Variants in METTL8 observed in about 807,000 individuals in gnomAD.
METTL8 encodes the protein tRNA N(3)-cytidine methyltransferase METTL8, mitochondrial.
METTL8 carries 32 observed loss-of-function variants against 48.7 expected under a neutral mutation model. That is an observed-to-expected ratio of 0.66 (90% confidence interval 0.50 to 0.88). The LOEUF (loss-of-function observed/expected upper bound fraction) is 0.88. Among genes scored for constraint, METTL8 ranks in the 40% least tolerant of loss-of-function variants. METTL8 has a pLI of 0.00. For missense variants in METTL8, 464 were observed against 474.4 expected, an observed-to-expected ratio of 0.98 and a Z score of 0.20; for synonymous variants, 136 against 157.1, an observed-to-expected ratio of 0.87 and a Z score of 1.01.
At chr2:171,352,186 G>A (rs528372299) in intron 3 of METTL8, among the ~76,000 whole-genome samples, 9 of 152,294 alleles carry the variant, frequency 5.9e-5, no homozygotes, top group Admixed American at 3.3e-4. Flanking sequence ...GTTGAATTTT[G>A]TTGAAGGCCT....
intron 1 of METTL8, among the ~76,000 whole-genome samples, chr2:171,397,574 A>AAAG (rs1689231233): frequency 6.7e-6 from 1 of 148,260 alleles, no homozygotes; most frequent in Non-Finnish European, 1.5e-5. Flanking sequence ...AAAAAAAAAA[A>AAAG]AGAGAGAGAG....
chr2:171,321,066 A>G lies in METTL8; in HGVS notation c.*3106T>C, dbSNP rs1018303282. 3.9e-5 allele frequency: 6 copies of G among 152,256 alleles called. No individual in the cohort carries two copies. Among genetic ancestry groups the G allele is most frequent in the African/African-American group, 1.2e-4 (5 of 41,454 alleles). The allele number at this position is 152,256 out of a possible 1,614,324, so 9.4% of individuals were successfully genotyped here. On this transcript the variant is annotated 3_prime_UTR_variant, in exon 10 of 10. Coordinates refer to ENST00000375258, the MANE Select transcript of METTL8 (RefSeq NM_001321154.2). The stretch of plus-strand genomic sequence containing the variant: ...ATCTGCTGAGAATGTACATTCAAGA[A>G]CTAGCCTGAGACCTACCTCCCCCAA...
intron 2 of METTL8, among the ~76,000 whole-genome samples, chr2:171,382,032 T>C (rs1474959123): frequency 1.3e-5 from 2 of 152,152 alleles, no homozygotes; most frequent in Non-Finnish European, 2.9e-5. Context: ...TTCGCCCACC[T>C]TGGCCTCCCA....
rs373167209 is a variant in METTL8 at position 171,364,093 on chromosome 2, G to A, written c.144-3580C>T. 4.6e-5 allele frequency among the ~76,000 whole-genome samples: 7 copies of A among 151,918 alleles called. No homozygotes were observed. The East Asian group carries it at 7.7e-4, about 17-fold the overall frequency. ...CTCCCAAAGTGCTAGGATTACAAGC[G>A]CGAGCCACTGCGCGCCCGGCCAAAT... On this transcript the variant is annotated intron_variant, in intron 2 of 9. Coordinates refer to ENST00000375258, the MANE Select transcript of METTL8 (RefSeq NM_001321154.2).
At chr2:171,425,948 G>A (rs982405459) in intron 1 of METTL8, among the ~76,000 whole-genome samples, 1 of 152,062 alleles carries the variant, frequency 6.6e-6, no homozygotes, top group Non-Finnish European at 1.5e-5. Flanking sequence ...CATGAAGTCA[G>A]GTGTTCGAGA....
At chr2:171,387,096 T>C (rs74683011) in intron 2 of METTL8, among the ~76,000 whole-genome samples, 21,238 of 145,584 alleles carry the variant, frequency 0.15, 1,592 homozygotes, top group Admixed American at 0.22. Flanking sequence ...ATTCTTCCCA[T>C]ACACCAAGGC....
At chr2:171,356,952 A>ATGTTTTTGTTTTTTTTTTTTTTT in intron 3 of METTL8, among the ~76,000 whole-genome samples, 55 of 78,488 alleles carry the variant, frequency 7.0e-4, no homozygotes, top group Non-Finnish European at 9.9e-4. Context: ...CAAAGACAAT[A>ATGTTTTTGTTTTTTTTTTTTTTT]TTTTTTTTTT....
Position 171,393,033 on chromosome 2 carries a change from G to T in METTL8, c.-12-836C>A, listed in dbSNP as rs181059810. Among the ~76,000 whole-genome samples, 263 of 150,956 alleles carry T rather than the reference G, an allele frequency of 1.7e-3. 1 individual carries two copies. Among genetic ancestry groups the T allele is most frequent in the African/African-American group, 6.0e-3 (250 of 41,436 alleles). The stretch of plus-strand genomic sequence containing the variant: ...GCAAGAGAATCGCTTGAACCCAGGA[G>T]GCGGAGATTGCAGTGAGCCGAGATT... On this transcript the variant is annotated intron_variant, in intron 1 of 9. Transcript: ENST00000375258.
rs1418511496 is a variant in METTL8 at position 171,392,010 on chromosome 2, A to C, written c.143+33T>G. 4 of 1,528,162 alleles carry C rather than the reference A, an allele frequency of 2.6e-6. No homozygotes were observed. In the African/African-American group the frequency reaches 5.6e-5, roughly 21 times the overall value. 94.7% of individuals were successfully genotyped at this position (1,528,162 alleles called of 1,614,324 possible). A position where few individuals can be genotyped will look rare whatever the true frequency, so the allele number is the denominator to read the frequency against. ...ATACCACTGGTGATATTTAAGAAAC[A>C]CACATAATATCAGATTTAAAAAGAA... is the stretch of plus-strand genomic sequence containing the variant. On this transcript the variant is annotated intron_variant, in intron 2 of 9. Transcript: ENST00000375258.
At chr2:171,424,136 A>T (rs376742462) in intron 1 of METTL8, among the ~76,000 whole-genome samples, 2 of 152,214 alleles carry the variant, frequency 1.3e-5, no homozygotes, top group Non-Finnish European at 2.9e-5. Context: ...GGTGCACAGA[A>T]GTCAAGAACT....
chr2:171,382,649 C>A (rs1687668852), intron 2 of METTL8, among the ~76,000 whole-genome samples: 1 of 152,014 alleles, frequency 6.6e-6, no homozygotes, highest in African/African-American at 2.4e-5. Context: ...TGCAGCAAAC[C>A]ACCATGGCAC....
intron 2 of METTL8, among the ~76,000 whole-genome samples, chr2:171,361,440 G>A (rs899220340): frequency 6.6e-6 from 1 of 151,920 alleles, no homozygotes; most frequent in African/African-American, 2.4e-5. Flanking sequence ...CTGATGAGAA[G>A]GGATAAATTA....
intron 2 of METTL8, among the ~76,000 whole-genome samples, chr2:171,386,846 C>T (rs1180827592): frequency 6.6e-6 from 1 of 152,106 alleles, no homozygotes; most frequent in Non-Finnish European, 1.5e-5. Context: ...CCCCCCAGAC[C>T]CCAGCAGGCA....
At chr2:171,341,398 ATTTAT>A in intron 3 of METTL8, among the ~76,000 whole-genome samples, 1 of 151,344 alleles carries the variant, frequency 6.6e-6, no homozygotes, top group East Asian at 1.9e-4. Flanking sequence ...TCTTTTATTT[ATTTAT>A]TTATTTTATA....
Position 171,392,207 on chromosome 2 carries a change from T to C in METTL8, c.-12-10A>G. On this transcript the variant is annotated splice_polypyrimidine_tract_variant and intron_variant, in intron 1 of 9. Coordinates refer to ENST00000375258, the MANE Select transcript of METTL8 (RefSeq NM_001321154.2). ...TCATCCTAAGCAGTACCTAAAAAGT[T>C]ACAAATGATTAATTAGTCAACATAG... 1 of 1,546,252 alleles carries C rather than the reference T, an allele frequency of 6.5e-7. No homozygotes were observed. Among genetic ancestry groups the C allele is most frequent in the Non-Finnish European group, 8.7e-7 (1 of 1,143,176 alleles).
At chr2:171,357,222 G>A (rs1684682960) in intron 3 of METTL8, among the ~76,000 whole-genome samples, 1 of 152,086 alleles carries the variant, frequency 6.6e-6, no homozygotes, top group Non-Finnish European at 1.5e-5. Context: ...GCCCCCCAAA[G>A]TTCTGGGATT....
chr2:171,370,489 T>C (rs1686207603), intron 2 of METTL8, among the ~76,000 whole-genome samples: 1 of 152,114 alleles, frequency 6.6e-6, no homozygotes, highest in Non-Finnish European at 1.5e-5. Flanking sequence ...GTATTAGTAA[T>C]AGTTCTCAAA....
intron 1 of METTL8, among the ~76,000 whole-genome samples, chr2:171,428,317 A>G (rs1000729555): frequency 1.3e-5 from 2 of 152,186 alleles, no homozygotes; most frequent in African/African-American, 4.8e-5. Context: ...GATTTAAGGA[A>G]TAAGTGGAGA....
chr2:171,431,189 T>A (rs1692976741), intron 1 of METTL8, among the ~76,000 whole-genome samples: 1 of 152,176 alleles, frequency 6.6e-6, no homozygotes, highest in Non-Finnish European at 1.5e-5. Flanking sequence ...ATAAGGGAAT[T>A]TGCACAGGGG....
Sources: allele counts gnomAD v4.1 joint callset (sites outside exome capture counted in the v4.1 genomes callset), GRCh38; gene constraint gnomAD v4.1.1; transcripts MANE v1.5; gene names NCBI Gene and HGNC (gene_info 2026-07-23, HGNC 2026-07-21).